Variants in CFAP299 observed in about 807,000 individuals in gnomAD.
CFAP299 encodes cilia- and flagella-associated protein 299.
In CFAP299, 21 loss-of-function variants were observed where a neutral mutation model predicts 27.0. The ratio of observed to expected loss-of-function variants is 0.78; its 90% CI spans 0.55 to 1.12. CFAP299 has a LOEUF of 1.12. Among genes scored for constraint, CFAP299 ranks in the 50% most tolerant of loss-of-function variants. CFAP299 has a pLI of 0.00. For synonymous variants in CFAP299, 104 were observed against 98.1 expected (o/e 1.06, Z -0.36); for missense variants, 310 against 276.6 (o/e 1.12, Z -0.86).
At chr4:80,806,809 C>T (rs375513714) in intron 3 of CFAP299, among the ~76,000 whole-genome samples, 9 of 152,112 alleles carry the variant, frequency 5.9e-5, no homozygotes, top group Middle Eastern at 3.2e-3. Context: ...ATTCACAGCA[C>T]CCCTTTTTTC....
chr4:80,440,355 GAGCAAGC>G (rs1728301847), intron 2 of CFAP299, among the ~76,000 whole-genome samples: 1 of 151,504 alleles, frequency 6.6e-6, no homozygotes, highest in South Asian at 2.1e-4. Context: ...CCAGAGGAAG[GAGCAAGC>G]AGCAATCTTT....
chr4:80,551,663 A>G (rs1423441134), intron 2 of CFAP299, among the ~76,000 whole-genome samples: 1 of 151,970 alleles, frequency 6.6e-6, no homozygotes, highest in East Asian at 1.9e-4. Flanking sequence ...TATTTGTATA[A>G]TTTGTCTAAT....
intron 2 of CFAP299, among the ~76,000 whole-genome samples, chr4:80,542,131 TTTG>T: frequency 6.6e-6 from 1 of 152,286 alleles, no homozygotes; most frequent in South Asian, 2.1e-4. Flanking sequence ...TTCTTCAGCC[TTTG>T]GACTCTGGGA....
At chr4:80,952,956 C>T (rs1459160339) in intron 5 of CFAP299, among the ~76,000 whole-genome samples, 1 of 152,180 alleles carries the variant, frequency 6.6e-6, no homozygotes, top group Admixed American at 6.5e-5. Context: ...AGACCCATAA[C>T]ATTTCTACGT....
intron 2 of CFAP299, among the ~76,000 whole-genome samples, chr4:80,390,924 TGTATATATGTATATATGTATGTACACAC>T (rs1725427788): frequency 2.0e-4 from 6 of 30,494 alleles, no homozygotes; most frequent in Admixed American, 4.7e-4. Context: ...TACACACATA[TGTATATATGTATATATGTATGTACACAC>T]ATGTATATAT....
intron 2 of CFAP299, among the ~76,000 whole-genome samples, chr4:80,465,470 A>G (rs1203590659): frequency 6.6e-6 from 1 of 152,170 alleles, no homozygotes; most frequent in Admixed American, 6.5e-5. Context: ...AGATTCCACA[A>G]TGCCCCACAG....
intron 4 of CFAP299, among the ~76,000 whole-genome samples, chr4:80,907,431 C>T (rs958032057): frequency 5.9e-5 from 9 of 152,112 alleles, no homozygotes; most frequent in East Asian, 3.9e-4. Context: ...CCCCACTCCC[C>T]GTACCAATTT....
rs180999836 is a variant in CFAP299, at chr4:80,687,708, C to T, written c.333+104525C>T. Among the ~76,000 whole-genome samples, 364 of 152,322 alleles carry T rather than the reference C, an allele frequency of 2.4e-3. 1 individual carries two copies. Among genetic ancestry groups the T allele is most frequent in the African/African-American group, 8.3e-3 (346 of 41,576 alleles). ...AGGCAAGATGGCCGAATAGGAACAG[C>T]TCCGGTCTACAGCTCCCAGCGTGAG... On this transcript the variant is annotated intron_variant, in intron 3 of 5. Transcript: ENST00000358105.
At chr4:80,956,429 A>G (rs2109864467) in intron 5 of CFAP299, among the ~76,000 whole-genome samples, 1 of 152,096 alleles carries the variant, frequency 6.6e-6, no homozygotes, top group South Asian at 2.1e-4. Context: ...ATGCTACTAT[A>G]TAATATTCTT....
At chr4:80,691,876 C>G (rs1720725317) in intron 3 of CFAP299, among the ~76,000 whole-genome samples, 1 of 152,142 alleles carries the variant, frequency 6.6e-6, no homozygotes, top group Non-Finnish European at 1.5e-5. Flanking sequence ...GTACAAAAAT[C>G]ACAATCATTC....
At chr4:80,353,138 TA>T (rs1001997888) in intron 1 of CFAP299, among the ~76,000 whole-genome samples, 42 of 152,308 alleles carry the variant, frequency 2.8e-4, no homozygotes, top group African/African-American at 9.9e-4. Flanking sequence ...AAAATATCAA[TA>T]AAATTGACAA....
chr4:80,701,458 A>G (rs1721476132), intron 3 of CFAP299, among the ~76,000 whole-genome samples: 1 of 152,040 alleles, frequency 6.6e-6, no homozygotes, highest in South Asian at 2.1e-4. Context: ...TTTGGCAAGG[A>G]GTGATATTTA....
At chr4:80,872,675 T>C (rs1273348102) in intron 4 of CFAP299, 9 of 154,396 alleles carry the variant, frequency 5.8e-5, no homozygotes, top group Non-Finnish European at 1.3e-4. Flanking sequence ...TAGTGAGTTA[T>C]AAATGATCTC....
At chr4:80,933,964 A>G (rs1055305644) in intron 4 of CFAP299, among the ~76,000 whole-genome samples, 5 of 152,090 alleles carry the variant, frequency 3.3e-5, no homozygotes, top group African/African-American at 9.7e-5. Flanking sequence ...ACAGCACTAC[A>G]TTGAATATAA....
chr4:80,407,398 C>G (rs1337462181), intron 2 of CFAP299, among the ~76,000 whole-genome samples: 1 of 152,162 alleles, frequency 6.6e-6, no homozygotes, highest in African/African-American at 2.4e-5. Flanking sequence ...ACTTATTCCT[C>G]AGTCTGTGGT....
At chr4:80,555,925 CAA>C (rs34013625) in intron 2 of CFAP299, among the ~76,000 whole-genome samples, 1 of 151,894 alleles carries the variant, frequency 6.6e-6, no homozygotes, top group Non-Finnish European at 1.5e-5. Context: ...AAATATGACT[CAA>C]ATTCTTTTTA....
chr4:80,443,017 CA>C (rs1244598780), intron 2 of CFAP299, among the ~76,000 whole-genome samples: 2 of 152,286 alleles, frequency 1.3e-5, no homozygotes, highest in East Asian at 3.9e-4. Flanking sequence ...AGACTAATAA[CA>C]AGTTCTGAAA....
intron 2 of CFAP299, among the ~76,000 whole-genome samples, chr4:80,504,240 A>G (rs567586667): frequency 4.2e-4 from 64 of 151,574 alleles, no homozygotes; most frequent in Non-Finnish European, 6.6e-4. Flanking sequence ...AGCATGAGGG[A>G]AAGATGCCAG....
intron 1 of CFAP299, among the ~76,000 whole-genome samples, chr4:80,346,827 G>T (rs1722754197): frequency 6.6e-6 from 1 of 152,188 alleles, no homozygotes. Context: ...TTGGTAGCTT[G>T]ATGGGGATGA....
Sources: allele counts gnomAD v4.1 joint callset (sites outside exome capture counted in the v4.1 genomes callset), GRCh38; gene constraint gnomAD v4.1.1; transcripts MANE v1.5; gene names NCBI Gene and HGNC (gene_info 2026-07-23, HGNC 2026-07-21).